Variants in CDH8 observed in about 807,000 individuals in gnomAD.
CDH8 encodes the protein cadherin-8.
Under a neutral mutation model 68.1 loss-of-function variants are expected in CDH8, and 17 were observed. The observed-to-expected ratio is 0.25, with a 90% CI of 0.17 to 0.37. The LOEUF (loss-of-function observed/expected upper bound fraction) is 0.37. Among genes scored for constraint, CDH8 ranks in the 10% least tolerant of loss-of-function variants. The pLI, the probability that CDH8 is intolerant of heterozygous loss-of-function variation, is 1.00. For missense variants in CDH8, 763 were observed against 999.3 expected (o/e 0.76, Z 3.19); for synonymous variants, 372 against 365.1 (o/e 1.02, Z -0.21).
chr16:61,971,731 C>T (rs1965343803), intron 2 of CDH8, among the ~76,000 whole-genome samples: 1 of 151,616 alleles, frequency 6.6e-6, no homozygotes, highest in East Asian at 1.9e-4. Flanking sequence ...TCTGTCTTTC[C>T]TGTGACCAGC....
intron 8 of CDH8, among the ~76,000 whole-genome samples, chr16:61,755,026 G>A (rs1233694338): frequency 1.3e-5 from 2 of 151,910 alleles, no homozygotes; most frequent in Non-Finnish European, 2.9e-5. Flanking sequence ...GCAGTATTTA[G>A]TTTTCCAAGA....
intron 2 of CDH8, among the ~76,000 whole-genome samples, chr16:61,933,823 C>T (rs1964585025): frequency 6.6e-6 from 1 of 152,072 alleles, no homozygotes; most frequent in Non-Finnish European, 1.5e-5. Context: ...GTACATTTTA[C>T]ATTAGCTTTT....
At chr16:61,704,404 T>C (rs1265471182) in intron 10 of CDH8, among the ~76,000 whole-genome samples, 1 of 152,232 alleles carries the variant, frequency 6.6e-6, no homozygotes, top group Non-Finnish European at 1.5e-5. Flanking sequence ...TCAAGAATTC[T>C]GCCCAAAGAT....
intron 3 of CDH8, among the ~76,000 whole-genome samples, chr16:61,874,583 A>C (rs1387804965): frequency 2.0e-5 from 3 of 152,066 alleles, no homozygotes; most frequent in Non-Finnish European, 4.4e-5. Flanking sequence ...TGCCTGCCTC[A>C]GCCTCCCAAA....
intron 2 of CDH8, among the ~76,000 whole-genome samples, chr16:61,923,077 T>C (rs1016453049): frequency 1.3e-5 from 2 of 152,186 alleles, no homozygotes; most frequent in African/African-American, 2.4e-5. Flanking sequence ...AAATGAATAA[T>C]AAAGCTTATT....
At chr16:62,012,432 C>G (rs2150605162) in intron 2 of CDH8, among the ~76,000 whole-genome samples, 1 of 152,156 alleles carries the variant, frequency 6.6e-6, no homozygotes, top group East Asian at 1.9e-4. Context: ...ATTAAATAAG[C>G]CTAGTGCTTT....
intron 2 of CDH8, among the ~76,000 whole-genome samples, chr16:62,010,216 C>T (rs1455230268): frequency 1.3e-5 from 2 of 152,190 alleles, no homozygotes; most frequent in African/African-American, 2.4e-5. Flanking sequence ...ATTAGAGAAA[C>T]ATCTCTCATT....
chr16:61,665,756 C>CTTCCTTCCTTCCTTCCTTCT (rs1963657384), intron 10 of CDH8, among the ~76,000 whole-genome samples: 1 of 48,094 alleles, frequency 2.1e-5, no homozygotes, highest in African/African-American at 8.2e-5. Flanking sequence ...ATTTATTTTC[C>CTTCCTTCCTTCCTTCCTTCT]TTCCTTCCTT....
At chr16:61,898,357 C>G (rs1010811282) in intron 3 of CDH8, among the ~76,000 whole-genome samples, 7 of 151,750 alleles carry the variant, frequency 4.6e-5, no homozygotes, top group Non-Finnish European at 8.8e-5. Context: ...GCTCCTTTCA[C>G]AAGAGGTAGA....
intron 10 of CDH8, among the ~76,000 whole-genome samples, chr16:61,655,929 G>A (rs1449245027): frequency 6.7e-6 from 1 of 149,354 alleles, no homozygotes; most frequent in African/African-American, 2.5e-5. Flanking sequence ...CTGGAGTGCA[G>A]TGGCGCTATC....
chr16:61,727,154 G>C lies in CDH8; in HGVS notation c.1476C>G (p.Asn492Lys). Reference protein sequence around the residue: ...VAIKVLDVNDNAPEFASEYEA... With the variant: ...VAIKVLDVNDKAPEFASEYEA... The stretch of plus-strand genomic sequence containing the variant: ...CATATTCGGATGCGAATTCAGGGGC[G>C]TTGTCATTGACATCCAGCACTTTAA... Residue 492 changes from asparagine to lysine, a missense_variant, in exon 9 of 12, where the codon AAC becomes AAG. Physicochemically the swap from Asn to Lys is moderately conservative, Grantham distance 94. Around this residue, in one of 2 missense-constraint regions of CDH8, gnomAD observed 397 missense variants for 436.2 expected, o/e 0.91. Transcript: ENST00000577390. 1 of 1,610,162 alleles carries C rather than the reference G, an allele frequency of 6.2e-7. No individual in the cohort carries two copies. Among genetic ancestry groups the C allele is most frequent in the Non-Finnish European group, 8.5e-7 (1 of 1,177,352 alleles).
intron 4 of CDH8, among the ~76,000 whole-genome samples, chr16:61,853,890 A>C (rs968473982): frequency 5.3e-5 from 8 of 152,000 alleles, no homozygotes; most frequent in Admixed American, 4.6e-4. Context: ...TGCATATTAT[A>C]GTTTTTAATA....
At chr16:61,866,571 T>A (rs1021804643) in intron 3 of CDH8, among the ~76,000 whole-genome samples, 3 of 147,224 alleles carry the variant, frequency 2.0e-5, no homozygotes, top group African/African-American at 7.3e-5. Context: ...AATTATATAG[T>A]GTGTGTGTGT....
At chr16:61,916,492 TCAA>T (rs1478030623) in intron 2 of CDH8, among the ~76,000 whole-genome samples, 1 of 152,076 alleles carries the variant, frequency 6.6e-6, no homozygotes, top group Non-Finnish European at 1.5e-5. Context: ...TCCAGCCTGG[TCAA>T]CAGAGCGAGA....
intron 7 of CDH8, among the ~76,000 whole-genome samples, chr16:61,795,540 A>G (rs1390637337): frequency 6.6e-6 from 1 of 152,146 alleles, no homozygotes. Flanking sequence ...GCAGTAAATG[A>G]GTTGATAAAT....
intron 2 of CDH8, among the ~76,000 whole-genome samples, chr16:61,941,972 T>C (rs1412891042): frequency 1.3e-5 from 2 of 152,164 alleles, no homozygotes; most frequent in Admixed American, 1.3e-4. Context: ...CCATACCATC[T>C]ACCCAATAAG....
chr16:61,851,455 C>T (rs1270742103), intron 4 of CDH8, among the ~76,000 whole-genome samples: 2 of 152,076 alleles, frequency 1.3e-5, no homozygotes, highest in Non-Finnish European at 2.9e-5. Context: ...ACCCTGGTCT[C>T]TTTAGATAAT....
intron 8 of CDH8, chr16:61,743,482 T>C (rs548688106): frequency 2.6e-5 from 4 of 152,628 alleles, no homozygotes; most frequent in South Asian, 4.1e-4. Flanking sequence ...TATCCTTCCA[T>C]TATCTTTTTG....
At chr16:62,015,414 T>C (rs2150607620) in intron 2 of CDH8, among the ~76,000 whole-genome samples, 1 of 152,258 alleles carries the variant, frequency 6.6e-6, no homozygotes, top group East Asian at 1.9e-4. Flanking sequence ...TGTTTGTGTG[T>C]GTGTGTATTC....
Sources: allele counts gnomAD v4.1 joint callset (sites outside exome capture counted in the v4.1 genomes callset), GRCh38; gene constraint gnomAD v4.1.1; regional missense constraint gnomAD v4.1.1; transcripts MANE v1.5; gene names NCBI Gene and HGNC (gene_info 2026-07-23, HGNC 2026-07-21).